The following FRMD3 variants were observed in gnomAD, a reference collection of about 807,000 sequenced individuals.
FRMD3 encodes FERM domain containing 3.
A neutral mutation model predicts 70.2 loss-of-function variants in FRMD3; 33 were observed. The ratio of observed to expected loss-of-function variants is 0.47; its 90% confidence interval spans 0.36 to 0.63. The LOEUF (loss-of-function observed/expected upper bound fraction) is 0.63, where lower values mean the gene tolerates loss of function less well. Among genes scored for constraint, FRMD3 ranks in the 20% least tolerant of loss-of-function variants. FRMD3 has a pLI of 0.00. For missense variants in FRMD3, 632 were observed against 711.4 expected (o/e 0.89, Z 1.27); for synonymous variants, 279 against 255.9 (o/e 1.09, Z -0.86).
At chr9:83,403,413 T>C (rs544299185) in intron 1 of FRMD3, among the ~76,000 whole-genome samples, 5 of 152,268 alleles carry the variant, frequency 3.3e-5, no homozygotes, top group East Asian at 3.9e-4. Flanking sequence ...TTGAAACTGC[T>C]GGGATAATGT....
At chr9:83,266,934 T>C in intron 13 of FRMD3, 1 of 1,436,996 alleles carries the variant, frequency 7.0e-7, no homozygotes, top group Non-Finnish European at 9.4e-7. Context: ...CCTGGGCCTC[T>C]CTCCACCAGC....
At chr9:83,362,578 G>A (rs956731679) in intron 3 of FRMD3, among the ~76,000 whole-genome samples, 1 of 152,214 alleles carries the variant, frequency 6.6e-6, no homozygotes, top group African/African-American at 2.4e-5. Flanking sequence ...CTGGTAAATA[G>A]GGCAAGAATA....
At chr9:83,444,673 T>C (rs1324199925) in intron 1 of FRMD3, among the ~76,000 whole-genome samples, 1 of 152,174 alleles carries the variant, frequency 6.6e-6, no homozygotes, top group Non-Finnish European at 1.5e-5. Flanking sequence ...GCCCTCAGCT[T>C]TAAGCAAGAA....
At chr9:83,259,092 T>C (rs1165663649) in intron 13 of FRMD3, among the ~76,000 whole-genome samples, 1 of 152,144 alleles carries the variant, frequency 6.6e-6, no homozygotes, top group Non-Finnish European at 1.5e-5. Flanking sequence ...GAGGGGCTAG[T>C]GTCATTTGAT....
chr9:83,363,129 A>G (rs975029039), intron 3 of FRMD3, among the ~76,000 whole-genome samples: 7 of 152,176 alleles, frequency 4.6e-5, no homozygotes, highest in South Asian at 2.1e-4. Flanking sequence ...ATATGAGTGT[A>G]ACATAACTAC....
At chr9:83,479,067 A>G (rs1016070249) in intron 1 of FRMD3, among the ~76,000 whole-genome samples, 2 of 152,096 alleles carry the variant, frequency 1.3e-5, no homozygotes, top group African/African-American at 4.8e-5. Flanking sequence ...CTATACATCA[A>G]TAAGAAAAAT....
intron 6 of FRMD3, among the ~76,000 whole-genome samples, chr9:83,325,107 A>G (rs961532541): frequency 6.6e-6 from 1 of 152,266 alleles, no homozygotes; most frequent in African/African-American, 2.4e-5. Flanking sequence ...TGGAAGCTAA[A>G]TAATGTGTCA....
chr9:83,495,023 T>C (rs1410730644), intron 1 of FRMD3, among the ~76,000 whole-genome samples: 1 of 149,076 alleles, frequency 6.7e-6, no homozygotes, highest in Non-Finnish European at 1.5e-5. Context: ...TATTCTACCA[T>C]ATGAACATTT....
chr9:83,289,991 C>CT (rs966789774), intron 13 of FRMD3, among the ~76,000 whole-genome samples: 35 of 151,816 alleles, frequency 2.3e-4, no homozygotes, highest in African/African-American at 7.5e-4. Context: ...GGACACTTCA[C>CT]TTTTTTTTAG....
At chr9:83,572,967 T>C in the FRMD3 span, among the ~76,000 whole-genome samples, 1 of 152,202 alleles carries the variant, frequency 6.6e-6, no homozygotes, top group Non-Finnish European at 1.5e-5. Context: ...GTATTTATAA[T>C]ACAGTGTTAT....
rs989240082 is a variant in FRMD3, at chr9:83,244,967, C to CAT, written c.*2949_*2950dup. On this transcript the variant is annotated 3_prime_UTR_variant, in exon 14 of 14. Coordinates refer to ENST00000304195, the MANE Select transcript of FRMD3 (RefSeq NM_174938.6). Reference sequence around the variant, plus strand: ...ATATTGTGTGTGTATATGTATTTGCCATATGTGTGTGTGTATTATATATAT... The same window carrying CAT: ...ATATTGTGTGTGTATATGTATTTGCCATATATGTGTGTGTGTATTATATATAT... The CAT allele has an allele frequency of 6.1e-6, 6 of 981,600 alleles. No individual in the cohort carries two copies. Among genetic ancestry groups the CAT allele is most frequent in the Admixed American group, 6.2e-5 (1 of 16,256 alleles). 60.8% of individuals were successfully genotyped at this position (981,600 alleles called of 1,614,324 possible).
chr9:83,566,177 A>T, the FRMD3 span, among the ~76,000 whole-genome samples: 1 of 152,194 alleles, frequency 6.6e-6, no homozygotes, highest in Non-Finnish European at 1.5e-5. Context: ...AGGAGGTGAA[A>T]GGCCCTTCTT....
At chr9:83,550,128 A>G in the FRMD3 span, among the ~76,000 whole-genome samples, 27,860 of 152,122 alleles carry the variant, frequency 0.18, 2,749 homozygotes, top group East Asian at 0.37. Flanking sequence ...ACGTTTAGAT[A>G]TGATGTAAGG....
intron 12 of FRMD3, among the ~76,000 whole-genome samples, chr9:83,292,823 T>C (rs1434243408): frequency 6.6e-6 from 1 of 152,120 alleles, no homozygotes; most frequent in Non-Finnish European, 1.5e-5. Context: ...AATTTTTGTA[T>C]TTTTAGTAGA....
chr9:83,515,559 A>G (rs920695670), intron 1 of FRMD3, among the ~76,000 whole-genome samples: 3 of 152,264 alleles, frequency 2.0e-5, no homozygotes, highest in African/African-American at 7.2e-5. Flanking sequence ...GATATTATCC[A>G]GGAGAACTTC....
At chr9:83,366,340 G>A (rs1824784934) in intron 3 of FRMD3, among the ~76,000 whole-genome samples, 1 of 152,162 alleles carries the variant, frequency 6.6e-6, no homozygotes, top group Non-Finnish European at 1.5e-5. Flanking sequence ...GGAGGCTGAG[G>A]TGGGAGGATC....
At chr9:83,548,852 TCTGC>T in the FRMD3 span, among the ~76,000 whole-genome samples, 1 of 152,202 alleles carries the variant, frequency 6.6e-6, no homozygotes, top group Non-Finnish European at 1.5e-5. Flanking sequence ...CTTTGTACAT[TCTGC>T]ACAATTTTTC....
chr9:83,403,562 G>A (rs1002756230), intron 1 of FRMD3, among the ~76,000 whole-genome samples: 18 of 152,122 alleles, frequency 1.2e-4, no homozygotes, highest in African/African-American at 2.7e-4. Context: ...ACGAGAAGAC[G>A]GAGTTAGCTC....
At chr9:83,500,500 G>GCA (rs377538475) in intron 1 of FRMD3, among the ~76,000 whole-genome samples, 28,296 of 136,558 alleles carry the variant, frequency 0.21, 3,547 homozygotes, top group Admixed American at 0.29. Flanking sequence ...GCGTGTATGC[G>GCA]CGCACACACA....
Sources: gnomAD v4.1 joint callset for allele counts (sites outside exome capture counted in the v4.1 genomes callset) on GRCh38, gnomAD v4.1.1 for gene constraint, MANE v1.5 for transcripts, NCBI Gene and HGNC (gene_info 2026-07-23, HGNC 2026-07-21) for gene names.